PHF20: variants seen among roughly 807,000 people sequenced by gnomAD.
PHF20 encodes the protein glioma-expressed antigen 2.
Under a neutral mutation model 113.5 loss-of-function variants are expected in PHF20, and 23 were observed. The ratio of observed to expected loss-of-function variants is 0.20; its 90% CI spans 0.15 to 0.29. The LOEUF is 0.29. Among genes scored for constraint, PHF20 ranks in the 10% least tolerant of loss-of-function variants. The probability of loss-of-function intolerance (pLI) is 1.00; values close to 1 mark genes in which losing one functional copy is unlikely to be tolerated. For missense variants in PHF20, 943 were observed against 1,219.6 expected, an observed-to-expected ratio of 0.77 and a Z score of 3.38; for synonymous variants, 434 against 457.3, an observed-to-expected ratio of 0.95 and a Z score of 0.65.
At chr20:35,937,964 T>C (rs900673755) in intron 15 of PHF20, among the ~76,000 whole-genome samples, 1 of 152,036 alleles carries the variant, frequency 6.6e-6, no homozygotes, top group Non-Finnish European at 1.5e-5. Flanking sequence ...CTCTGCCTCC[T>C]GGGTTCACGG....
chr20:35,934,259 G>A (rs2055821419), intron 15 of PHF20, among the ~76,000 whole-genome samples: 1 of 152,214 alleles, frequency 6.6e-6, no homozygotes, highest in Admixed American at 6.5e-5. Flanking sequence ...AGATCTGCGT[G>A]ACAAAGGTGG....
chr20:35,830,114 A>G (rs1268743528), intron 2 of PHF20, among the ~76,000 whole-genome samples: 2 of 151,308 alleles, frequency 1.3e-5, no homozygotes, highest in African/African-American at 4.9e-5. Context: ...GGGTTTCACC[A>G]TGTTGCCCAG....
chr20:35,858,373 A>G lies in PHF20; in HGVS notation c.412A>G (p.Lys138Glu). 1 of 1,573,846 alleles carries G rather than the reference A, an allele frequency of 6.4e-7. No homozygotes were observed. Among genetic ancestry groups the G allele is most frequent in the South Asian group, 1.1e-5 (1 of 88,096 alleles). The change falls in exon 5 of 18, where the codon AAA becomes GAA. Residue 138 changes from lysine (K) to glutamate (E), a missense_variant. Transcript: ENST00000374012. ...ACATATTCATGTCAAAGCTTTTTCC[A>G]AAGATCAGGTGAGAAATGTGGTTTT... ...VKHIHVKAFS[K>E]DQNIVGNARP...
chr20:35,778,285 A>G (rs1477526362), intron 1 of PHF20, among the ~76,000 whole-genome samples: 2 of 152,094 alleles, frequency 1.3e-5, no homozygotes, highest in Non-Finnish European at 2.9e-5. Context: ...AGGTTTCACT[A>G]TGTTGGTTAA....
intron 13 of PHF20, among the ~76,000 whole-genome samples, chr20:35,927,145 T>G (rs746786989): frequency 1.3e-5 from 2 of 152,166 alleles, no homozygotes; most frequent in Non-Finnish European, 2.9e-5. Flanking sequence ...AAAGAACTGG[T>G]TTAGCAACGA....
chr20:35,926,678 G>A (rs370737328), intron 13 of PHF20, among the ~76,000 whole-genome samples: 7 of 152,004 alleles, frequency 4.6e-5, no homozygotes, highest in Non-Finnish European at 8.8e-5. Context: ...CTGTCTTCCC[G>A]CTCTGCCCAC....
chr20:35,947,399 G>A (rs1013470177), intron 17 of PHF20, 86 bp from the exon 18 acceptor site: 2 of 1,439,242 alleles, frequency 1.4e-6, no homozygotes, highest in Admixed American at 1.8e-5. Context: ...ATGTCTGATG[G>A]AATAAGGTGC....
intron 2 of PHF20, among the ~76,000 whole-genome samples, chr20:35,810,829 T>G (rs1238047242): frequency 6.6e-6 from 1 of 152,180 alleles, no homozygotes; most frequent in Non-Finnish European, 1.5e-5. Flanking sequence ...TCTTTGACTT[T>G]GAATGCTTTG....
At chr20:35,903,188 C>A (rs6058354) in intron 10 of PHF20, among the ~76,000 whole-genome samples, 14,587 of 147,340 alleles carry the variant, frequency 0.099, 762 homozygotes, top group Middle Eastern at 0.16. Flanking sequence ...ACTGAAGGAT[C>A]CTTTTCAATG....
chr20:35,875,399 A>G (rs1355385684), intron 9 of PHF20, among the ~76,000 whole-genome samples: 2 of 139,422 alleles, frequency 1.4e-5, no homozygotes, highest in African/African-American at 3.0e-5. Context: ...TTCCATCTCA[A>G]AAAAGAAAAA....
Position 35,815,414 on chromosome 20 carries a change from C to T in PHF20, c.83+13809C>T, listed in dbSNP as rs756676555. On this transcript the variant is annotated intron_variant, in intron 2 of 17. Transcript: ENST00000374012. ...CCATTATGACGAATCCATGTCTCTACTTAAAATACAAAAAATTAGCTGGAC... is the reference window on the plus strand; with the variant it reads ...CCATTATGACGAATCCATGTCTCTATTTAAAATACAAAAAATTAGCTGGAC... 5.1e-4 allele frequency among the ~76,000 whole-genome samples: 78 copies of T among 151,850 alleles called. 3 individuals are homozygous for T. The highest frequency in any genetic ancestry group is 1.8e-4 in the Non-Finnish European group (12 of 67,978).
At chr20:35,891,245 C>T (rs1162238978) in intron 9 of PHF20, among the ~76,000 whole-genome samples, 6 of 151,984 alleles carry the variant, frequency 3.9e-5, no homozygotes, top group Non-Finnish European at 7.4e-5. Context: ...GGCGTGATGG[C>T]AGGCGCCTGT....
At chr20:35,864,407 AACACACACACACACAC>A (rs376477234) in intron 6 of PHF20, among the ~76,000 whole-genome samples, 22 of 132,524 alleles carry the variant, frequency 1.7e-4, no homozygotes, top group East Asian at 4.7e-4. Flanking sequence ...CCCATCTCAA[AACACACACACACACAC>A]ACACACACAC....
At chr20:35,947,441 G>T in intron 17 of PHF20, 44 bp from the exon 18 acceptor site, 1 of 1,595,630 alleles carries the variant, frequency 6.3e-7, no homozygotes. Context: ...TGCAAATCAA[G>T]TGTTGGGAGT....
chr20:35,898,068 G>T (rs941903741), intron 9 of PHF20, among the ~76,000 whole-genome samples: 2 of 151,878 alleles, frequency 1.3e-5, no homozygotes, highest in Admixed American at 1.3e-4. Flanking sequence ...TAGAGATGGG[G>T]TTTCACCATG....
At chr20:35,907,598 C>T (rs1213516227) in intron 10 of PHF20, among the ~76,000 whole-genome samples, 2 of 152,190 alleles carry the variant, frequency 1.3e-5, no homozygotes, top group East Asian at 1.9e-4. Context: ...GGGCGCTGTT[C>T]CAAGTTCGTT....
chr20:35,859,779 AGGCAATCTGCCCACCTC>A, intron 5 of PHF20, among the ~76,000 whole-genome samples: 1 of 152,140 alleles, frequency 6.6e-6, no homozygotes, highest in African/African-American at 2.4e-5. Context: ...TCCTGAGTTC[AGGCAATCTGCCCACCTC>A]GGCCTCCCAA....
chr20:35,923,955 T>C (rs959129074), intron 13 of PHF20, among the ~76,000 whole-genome samples: 3 of 152,158 alleles, frequency 2.0e-5, no homozygotes, highest in Non-Finnish European at 2.9e-5. Flanking sequence ...GGAATCTTGC[T>C]ATGTTTTTCA....
intron 2 of PHF20, among the ~76,000 whole-genome samples, chr20:35,825,271 C>T (rs1181146700): frequency 2.6e-5 from 4 of 152,168 alleles, no homozygotes; most frequent in African/African-American, 9.7e-5. Flanking sequence ...ATTGTCCTGC[C>T]TCAGGCCTCC....
Sources: gnomAD v4.1 joint callset for allele counts (sites outside exome capture counted in the v4.1 genomes callset) on GRCh38, gnomAD v4.1.1 for gene constraint, MANE v1.5 for transcripts, NCBI Gene and HGNC (gene_info 2026-07-23, HGNC 2026-07-21) for gene names.